TOM1L2: variants seen among roughly 807,000 people sequenced by gnomAD.
TOM1L2 encodes the protein TOM1-like protein 2.
Under a neutral mutation model 67.9 loss-of-function variants are expected in TOM1L2, and 31 were observed. That is an observed-to-expected ratio of 0.46 (90% CI 0.34 to 0.62). The LOEUF (loss-of-function observed/expected upper bound fraction) is 0.62. TOM1L2 is among the 20% of genes least tolerant of loss of function. The pLI is 0.01. For synonymous variants in TOM1L2, 256 were observed against 254.0 expected, an observed-to-expected ratio of 1.01 and a Z score of -0.07; for missense variants, 606 against 663.5, an observed-to-expected ratio of 0.91 and a Z score of 0.95.
intron 1 of TOM1L2, among the ~76,000 whole-genome samples, chr17:17,908,328 G>C (rs547007392): frequency 1.3e-5 from 2 of 152,260 alleles, no homozygotes; most frequent in African/African-American, 4.8e-5. Flanking sequence ...AGACATAAAT[G>C]TAAGAGCTCA....
intron 7 of TOM1L2, 80 bp downstream of exon 7, chr17:17,879,547 T>A: frequency 8.8e-7 from 1 of 1,137,078 alleles, no homozygotes; most frequent in Non-Finnish European, 1.3e-6. Context: ...CTTGCCGCTG[T>A]GTCCCCGGGT....
chr17:17,848,896 G>C (rs1459150580), intron 13 of TOM1L2, 37 bp from the exon 14 acceptor site: 6 of 1,613,332 alleles, frequency 3.7e-6, no homozygotes, highest in Middle Eastern at 1.6e-4. Context: ...TTAGGGCACT[G>C]GTCCAAGCAC....
At chr17:17,958,259 C>T (rs1357190285) in intron 1 of TOM1L2, among the ~76,000 whole-genome samples, 1 of 152,194 alleles carries the variant, frequency 6.6e-6, no homozygotes, top group Non-Finnish European at 1.5e-5. Flanking sequence ...CACCCAAAGT[C>T]TCACAGCAAA....
intron 2 of TOM1L2, among the ~76,000 whole-genome samples, chr17:17,900,262 G>A (rs972279192): frequency 1.3e-5 from 2 of 151,534 alleles, no homozygotes; most frequent in East Asian, 1.9e-4. Context: ...GCTCATTCCT[G>A]TAATCCCAGG....
chr17:17,934,171 C>T (rs963971235), intron 1 of TOM1L2, among the ~76,000 whole-genome samples: 3 of 152,142 alleles, frequency 2.0e-5, no homozygotes, highest in African/African-American at 7.2e-5. Context: ...GGCATGGTAG[C>T]CATTTTCAAA....
At chr17:17,891,204 G>A (rs1432976428) in intron 4 of TOM1L2, among the ~76,000 whole-genome samples, 1 of 152,242 alleles carries the variant, frequency 6.6e-6, no homozygotes, top group East Asian at 1.9e-4. Flanking sequence ...CCAGCAGGGG[G>A]AGGCCTCAGA....
At chr17:17,891,131 G>A (rs978994845) in intron 4 of TOM1L2, among the ~76,000 whole-genome samples, 13 of 152,232 alleles carry the variant, frequency 8.5e-5, no homozygotes, top group Non-Finnish European at 1.5e-4. Context: ...AGAAGCTTGT[G>A]AGGCATCTCA....
rs1245254871 is a variant in TOM1L2 at position 17,893,750 on chromosome 17, C to A, written c.277G>T (p.Asp93Tyr). 1.2e-6 allele frequency: 2 copies of A among 1,614,048 alleles called. No individual in the cohort carries two copies. Among genetic ancestry groups the A allele is most frequent in the East Asian group, 2.2e-5 (1 of 44,894 alleles). Reference protein sequence around the residue: ...HRFHILVANRDFIDSVLVKII... With the variant: ...HRFHILVANRYFIDSVLVKII... Reference sequence around the variant, plus strand: ...TTGACCAGAACACTGTCGATGAAATCTCGGTTGGCCACAAGGATGTGGAAG... The same window carrying A: ...TTGACCAGAACACTGTCGATGAAATATCGGTTGGCCACAAGGATGTGGAAG... The change falls in exon 4 of 15, where the codon GAT becomes TAT. Residue 93 changes from aspartate (D) to tyrosine (Y), a missense_variant. Physicochemically the swap from Asp to Tyr is radical, Grantham distance 160. Coordinates refer to ENST00000379504, the MANE Select transcript of TOM1L2 (RefSeq NM_001082968.2).
intron 1 of TOM1L2, among the ~76,000 whole-genome samples, chr17:17,913,271 G>A (rs1320879248): frequency 6.7e-6 from 1 of 149,130 alleles, no homozygotes; most frequent in Non-Finnish European, 1.5e-5. Flanking sequence ...GAGAGGGAGA[G>A]GGAGAGGGAG....
chr17:17,902,436 G>C (rs1025848042), intron 2 of TOM1L2, among the ~76,000 whole-genome samples: 1 of 152,206 alleles, frequency 6.6e-6, no homozygotes, highest in Non-Finnish European at 1.5e-5. Flanking sequence ...CAGTGGCTGC[G>C]GCCAGGTGAG....
intron 9 of TOM1L2, 122 bp downstream of exon 9, chr17:17,866,754 G>T (rs892093151): frequency 1.9e-6 from 2 of 1,031,152 alleles, no homozygotes; most frequent in Admixed American, 3.5e-5. Flanking sequence ...ACCAGAGCTT[G>T]CCTCTTCAAT....
chr17:17,955,857 C>T (rs952371184), intron 1 of TOM1L2, among the ~76,000 whole-genome samples: 1 of 152,180 alleles, frequency 6.6e-6, no homozygotes, highest in Non-Finnish European at 1.5e-5. Flanking sequence ...CGTAGTCTCG[C>T]TGGCTTCAAG....
At chr17:17,898,218 C>G (rs529536863) in intron 3 of TOM1L2, among the ~76,000 whole-genome samples, 2 of 152,246 alleles carry the variant, frequency 1.3e-5, no homozygotes, top group South Asian at 2.1e-4. Context: ...GTCACCGCGC[C>G]TGGCCAACAT....
chr17:17,874,052 T>G (rs1284970065), intron 7 of TOM1L2, among the ~76,000 whole-genome samples: 1 of 151,758 alleles, frequency 6.6e-6, no homozygotes, highest in Admixed American at 6.6e-5. Flanking sequence ...GCCTCCCGGG[T>G]TCATGACATT....
chr17:17,928,546 T>C lies in TOM1L2; in HGVS notation c.53-21015A>G, dbSNP rs1333788425. On this transcript the variant is annotated intron_variant, in intron 1 of 14. Coordinates refer to ENST00000379504, the MANE Select transcript of TOM1L2 (RefSeq NM_001082968.2). ...CACCCTCCCTTTAACACTCAGCTCGTTGCCTCCTCTCAGTGAGGGCCCCAG... is the reference window on the plus strand; with the variant it reads ...CACCCTCCCTTTAACACTCAGCTCGCTGCCTCCTCTCAGTGAGGGCCCCAG... 2.6e-5 allele frequency among the ~76,000 whole-genome samples: 4 copies of C among 152,206 alleles called. No individual in the cohort carries two copies. The East Asian group carries it at 7.7e-4, about 29-fold the overall frequency.
chr17:17,879,837 A>G (rs2037624788), intron 6 of TOM1L2, 94 bp from the exon 7 acceptor site: 1 of 1,083,620 alleles, frequency 9.2e-7, no homozygotes. Context: ...TCTAGTGACA[A>G]TCCTTCTCAC....
At chr17:17,919,879 G>T (rs924362119) in intron 1 of TOM1L2, among the ~76,000 whole-genome samples, 4 of 152,150 alleles carry the variant, frequency 2.6e-5, no homozygotes, top group Non-Finnish European at 5.9e-5. Flanking sequence ...CGCCAGGAAG[G>T]TTCTCTCTCT....
chr17:17,894,103 G>A (rs1281723999), intron 3 of TOM1L2, among the ~76,000 whole-genome samples: 1 of 152,196 alleles, frequency 6.6e-6, no homozygotes, highest in East Asian at 1.9e-4. Context: ...GTGTTTTAAT[G>A]GGATCAAAAT....
Position 17,937,216 on chromosome 17 carries a change from C to T in TOM1L2, c.53-29685G>A, listed in dbSNP as rs115247602. ...GCTATTCAACATGAACCCTTCCTCC[C>T]ACAGAAGTGATGATCATAAAAGCCT... On this transcript the variant is annotated intron_variant, in intron 1 of 14. Transcript: ENST00000379504. Among the ~76,000 whole-genome samples, 1,246 of 152,322 alleles carry T rather than the reference C, an allele frequency of 8.2e-3. 10 individuals carry two copies. Among genetic ancestry groups the T allele is most frequent in the African/African-American group, 0.028 (1,173 of 41,566 alleles).
Sources: gnomAD v4.1 joint callset for allele counts (sites outside exome capture counted in the v4.1 genomes callset) on GRCh38, gnomAD v4.1.1 for gene constraint, MANE v1.5 for transcripts, NCBI Gene and HGNC (gene_info 2026-07-23, HGNC 2026-07-21) for gene names.